Variants in MTA3 observed in about 807,000 individuals in gnomAD.
MTA3 encodes the protein metastasis associated 1 family member 3.
In MTA3, 34 loss-of-function variants were observed where a neutral mutation model predicts 83.5. The ratio of observed to expected loss-of-function variants is 0.41; its 90% confidence interval spans 0.31 to 0.54. MTA3 has a LOEUF of 0.54. Among genes scored for constraint, MTA3 ranks in the 20% least tolerant of loss-of-function variants. The pLI, the probability that MTA3 is intolerant of heterozygous loss-of-function variation, is 0.33. For synonymous variants in MTA3, 303 were observed against 252.7 expected (o/e 1.20, Z -1.89); for missense variants, 761 against 726.4 (o/e 1.05, Z -0.55).
chr2:42,556,013 A>G (rs904973222), intron 2 of MTA3, among the ~76,000 whole-genome samples: 1 of 152,158 alleles, frequency 6.6e-6, no homozygotes, highest in East Asian at 1.9e-4. Context: ...TGGAAGTTGC[A>G]GTGAGCCGAC....
intron 7 of MTA3, among the ~76,000 whole-genome samples, chr2:42,658,486 A>T (rs555298994): frequency 7.2e-5 from 11 of 152,342 alleles, no homozygotes; most frequent in African/African-American, 2.4e-4. Context: ...AGGGAAAATG[A>T]GTGAATACAG....
intron 14 of MTA3, chr2:42,709,410 C>G: frequency 1.5e-6 from 1 of 682,680 alleles, no homozygotes; most frequent in Non-Finnish European, 2.0e-6. Context: ...CTTATTGAAG[C>G]ACTTTTACCT....
At chr2:42,616,000 ATGAGCCACCGTGCCCGGCCGTACAGGCG>A (rs1326234481) in intron 4 of MTA3, among the ~76,000 whole-genome samples, 4 of 151,136 alleles carry the variant, frequency 2.6e-5, no homozygotes, top group African/African-American at 4.9e-5. Flanking sequence ...GATTACAGGC[ATGAGCCACCGTGCCCGGCCGTACAGGCG>A]TGAGCCACCG....
intron 2 of MTA3, among the ~76,000 whole-genome samples, chr2:42,515,359 T>C (rs912100130): frequency 6.6e-6 from 1 of 152,026 alleles, no homozygotes; most frequent in Non-Finnish European, 1.5e-5. Flanking sequence ...GTGCCCAGCC[T>C]ATTTTATTTT....
rs913185868 is a variant in MTA3, at chr2:42,549,351, TTACATATA to T, written c.-140-21082_-140-21075del. Among the ~76,000 whole-genome samples, 5 of 123,806 alleles carry T rather than the reference TTACATATA, an allele frequency of 4.0e-5. No individual in the cohort carries two copies. In the Admixed American group the frequency reaches 5.1e-4, roughly 13 times the overall value. 81.2% of individuals were successfully genotyped at this position (123,806 alleles called of 152,430 possible). On this transcript the variant is annotated intron_variant, in intron 2 of 17. Transcript: ENST00000405592. ...TATACGTATACGTATACATTATATA[TTACATATA>T]TACGTATATACGTATATAAAATATA...
At chr2:42,669,465 A>T (rs1281440375) in intron 8 of MTA3, among the ~76,000 whole-genome samples, 1 of 152,176 alleles carries the variant, frequency 6.6e-6, no homozygotes, top group Non-Finnish European at 1.5e-5. Flanking sequence ...CATAAAATTG[A>T]TGGGGATTCG....
intron 4 of MTA3, among the ~76,000 whole-genome samples, chr2:42,617,241 T>C (rs1685011552): frequency 6.6e-6 from 1 of 152,148 alleles, no homozygotes; most frequent in Admixed American, 6.5e-5. Flanking sequence ...GAAAGATCAG[T>C]CAAATTGCAA....
In MTA3 at chr2:42,704,276, C is replaced by T. The variant is rs1665871884; in HGVS notation, c.1108C>T (p.Pro370Ser). ...TGGAGCTGTGGGGACCACGTTCCAG[C>T]CTCAGAATCCTCTCTTAGGGAGAGC... ...VNGAVGTTFQ[P>S]QNPLLGRACE... The change falls in exon 12 of 17, where the codon CCT becomes TCT. Residue 370 changes from proline (P) to serine (S), a missense_variant. Physicochemically the swap from Pro to Ser is moderately conservative, Grantham distance 74. Coordinates refer to ENST00000405094, the MANE Select transcript of MTA3 (RefSeq NM_001330442.2). The T allele has an allele frequency of 6.2e-7, 1 of 1,613,948 alleles. No individual in the cohort carries two copies. Among genetic ancestry groups the T allele is most frequent in the Non-Finnish European group, 8.5e-7 (1 of 1,179,848 alleles).
intron 2 of MTA3, among the ~76,000 whole-genome samples, chr2:42,549,676 T>TATAATATATTATATACATATACATATATA (rs1677024912): frequency 2.3e-5 from 3 of 127,912 alleles, no homozygotes; most frequent in Non-Finnish European, 4.8e-5. Flanking sequence ...ACATATATAA[T>TATAATATATTATATACATATACATATATA]ATATAATATA....
intron 2 of MTA3, among the ~76,000 whole-genome samples, chr2:42,519,511 C>T (rs909342624): frequency 6.6e-6 from 1 of 151,638 alleles, no homozygotes; most frequent in Non-Finnish European, 1.5e-5. Context: ...GAAACTGAAG[C>T]AGGAGAATCC....
chr2:42,588,137 C>T (rs1410096876), intron 3 of MTA3, among the ~76,000 whole-genome samples: 1 of 152,080 alleles, frequency 6.6e-6, no homozygotes, highest in Non-Finnish European at 1.5e-5. Flanking sequence ...GGCTTCCTCT[C>T]ACTCCAATTA....
intron 8 of MTA3, among the ~76,000 whole-genome samples, chr2:42,681,536 A>G (rs1691912170): frequency 6.6e-6 from 1 of 152,078 alleles, no homozygotes; most frequent in Non-Finnish European, 1.5e-5. Flanking sequence ...TTTTTGAGAT[A>G]GGCTGTCACT....
intron 3 of MTA3, among the ~76,000 whole-genome samples, chr2:42,594,588 C>G (rs1681460532): frequency 6.9e-6 from 1 of 145,840 alleles, no homozygotes; most frequent in Non-Finnish European, 1.5e-5. Flanking sequence ...AAAATGGTGC[C>G]TTGGTGGGAT....
chr2:42,608,309 C>T (rs1052714681), intron 3 of MTA3, among the ~76,000 whole-genome samples: 2 of 152,196 alleles, frequency 1.3e-5, no homozygotes, highest in Non-Finnish European at 2.9e-5. Context: ...GCAACTTTAT[C>T]AATCTTCACT....
Position 42,570,466 on chromosome 2 carries a change from A to C in MTA3, c.58A>C (p.Asn20His). 6.5e-7 allele frequency: 1 copy of C among 1,547,238 alleles called. No individual in the cohort carries two copies. The highest frequency in any genetic ancestry group is 8.8e-7 in the Non-Finnish European group (1 of 1,138,522). ...DYVYFENSSSNPYLIRRIEEL... is the reference protein window; with the variant it reads ...DYVYFENSSSHPYLIRRIEEL... The stretch of plus-strand genomic sequence containing the variant: ...TGTCTACTTTGAGAATTCCTCCAGC[A>C]ACCCATACCTAATAAGAAGGATAGA... The change falls in exon 2 of 17, where the codon AAC (asparagine) becomes CAC (histidine). Residue 20 changes from asparagine (N) to histidine (H), a missense_variant. Physicochemically the swap from Asn to His is moderately conservative, Grantham distance 68. Transcript: ENST00000405094.
At chr2:42,723,078 C>G in intron 16 of MTA3, 43 bp downstream of exon 16, 1 of 1,539,608 alleles carries the variant, frequency 6.5e-7, no homozygotes, top group Non-Finnish European at 8.8e-7. Context: ...TGATAGAGTG[C>G]CTTCACACTC....
At chr2:42,575,892 T>A (rs1013593133) in intron 2 of MTA3, among the ~76,000 whole-genome samples, 1 of 152,166 alleles carries the variant, frequency 6.6e-6, no homozygotes, top group Non-Finnish European at 1.5e-5. Flanking sequence ...TCCGCCTACC[T>A]GTTGTCAGCA....
At chr2:42,588,631 A>G (rs1258175138) in intron 3 of MTA3, among the ~76,000 whole-genome samples, 2 of 152,170 alleles carry the variant, frequency 1.3e-5, no homozygotes, top group Admixed American at 6.6e-5. Flanking sequence ...GAAGCAAAGT[A>G]AAAAGGTTTT....
intron 3 of MTA3, among the ~76,000 whole-genome samples, chr2:42,606,392 C>T (rs1430111174): frequency 2.7e-5 from 4 of 149,744 alleles, no homozygotes; most frequent in Admixed American, 6.6e-5. Context: ...ACGGGGCGGC[C>T]GGGCAGAGAC....
Sources: allele counts gnomAD v4.1 joint callset (sites outside exome capture counted in the v4.1 genomes callset), GRCh38; gene constraint gnomAD v4.1.1; transcripts MANE v1.5; gene names NCBI Gene and HGNC (gene_info 2026-07-23, HGNC 2026-07-21).